Variants in DOCK4 observed in about 807,000 individuals in gnomAD.
DOCK4 encodes dedicator of cytokinesis protein 4.
A neutral mutation model predicts 268.1 loss-of-function variants in DOCK4; 97 were observed. The observed-to-expected ratio is 0.36, with a 90% CI of 0.31 to 0.43. The LOEUF is 0.43. Ranked by LOEUF, DOCK4 falls within the 20% of genes least tolerant of loss-of-function variation. The probability of loss-of-function intolerance (pLI) is 1.00; values close to 1 mark genes in which losing one functional copy is unlikely to be tolerated. For missense variants in DOCK4, 2,145 were observed against 2,455.7 expected (o/e 0.87, Z 2.67); for synonymous variants, 954 against 887.2 (o/e 1.08, Z -1.34).
At chr7:112,083,376 TAA>T (rs978805104) in intron 1 of DOCK4, among the ~76,000 whole-genome samples, 73 of 152,022 alleles carry the variant, frequency 4.8e-4, no homozygotes, top group African/African-American at 1.4e-3. Context: ...GTTATAGATA[TAA>T]GATTAGAATA....
intron 11 of DOCK4, among the ~76,000 whole-genome samples, chr7:111,939,473 C>T (rs1795025951): frequency 6.7e-6 from 1 of 149,968 alleles, no homozygotes; most frequent in Non-Finnish European, 1.5e-5. Flanking sequence ...TGAGATCACA[C>T]CACTGCACTC....
intron 32 of DOCK4, chr7:111,788,400 A>G: frequency 2.4e-6 from 1 of 424,912 alleles, no homozygotes; most frequent in South Asian, 4.6e-5. Flanking sequence ...ATCAGGCATG[A>G]AAAGAGGGAG....
intron 41 of DOCK4, among the ~76,000 whole-genome samples, chr7:111,758,264 A>T (rs190321600): frequency 6.6e-6 from 1 of 152,322 alleles, no homozygotes; most frequent in African/African-American, 2.4e-5. Context: ...ACATCCCAAG[A>T]TTCCCACAAT....
chr7:111,746,998 A>G (rs1363044504), intron 43 of DOCK4, among the ~76,000 whole-genome samples: 2 of 152,094 alleles, frequency 1.3e-5, no homozygotes, highest in Non-Finnish European at 2.9e-5. Flanking sequence ...TATTTATTAA[A>G]CAGTCCTAAT....
Position 111,736,918 on chromosome 7 carries a change from T to C in DOCK4, c.5304A>G (p.Lys1768=), listed in dbSNP as rs1387796400. The C allele has an allele frequency of 1.3e-6, 2 of 1,598,156 alleles. No homozygotes were observed. Among genetic ancestry groups the C allele is most frequent in the Non-Finnish European group, 1.7e-6 (2 of 1,171,820 alleles). The stretch of plus-strand genomic sequence containing the variant: ...GACTGACCATGGGGCTGGCCTTACC[T>C]TTTTCAGGTGCAGAGAGATTTGGGT... ...RSDPNLSAPE[K]AVNPTPSSWS... The change falls in exon 50 of 53, where the codon AAA becomes AAG. Residue 1768 remains lysine, a splice_region_variant and synonymous_variant. Coordinates refer to ENST00000428084, the MANE Select transcript of DOCK4 (RefSeq NM_001363540.2).
intron 38 of DOCK4, among the ~76,000 whole-genome samples, chr7:111,765,566 C>G (rs1313160215): frequency 1.3e-5 from 2 of 152,150 alleles, no homozygotes. Flanking sequence ...GTAGTCCTAT[C>G]AAGAAAAATA....
At chr7:112,070,239 A>G (rs965322566) in intron 1 of DOCK4, among the ~76,000 whole-genome samples, 1 of 152,172 alleles carries the variant, frequency 6.6e-6, no homozygotes, top group Non-Finnish European at 1.5e-5. Flanking sequence ...ACTATTTAGG[A>G]TGTGGACTTA....
intron 5 of DOCK4, among the ~76,000 whole-genome samples, chr7:111,993,790 G>T (rs1345130539): frequency 5.3e-5 from 8 of 151,512 alleles, no homozygotes; most frequent in Non-Finnish European, 1.0e-4. Flanking sequence ...TACAGAATTT[G>T]AATTTGATAA....
At chr7:111,933,134 A>G (rs1196158868) in intron 12 of DOCK4, among the ~76,000 whole-genome samples, 1 of 135,664 alleles carries the variant, frequency 7.4e-6, no homozygotes, top group Non-Finnish European at 1.6e-5. Flanking sequence ...ATATACGTAT[A>G]TACACATATA....
chr7:111,842,695 G>C (rs1803793990), intron 25 of DOCK4, among the ~76,000 whole-genome samples: 1 of 152,178 alleles, frequency 6.6e-6, no homozygotes. Flanking sequence ...CCCCACTGGG[G>C]TGGTGTCAAA....
At chr7:111,799,478 GA>G (rs1357214834) in intron 30 of DOCK4, among the ~76,000 whole-genome samples, 3 of 152,046 alleles carry the variant, frequency 2.0e-5, no homozygotes, top group Non-Finnish European at 2.9e-5. Flanking sequence ...AGCCAAGCTG[GA>G]AAGGGCCCTA....
intron 22 of DOCK4, 42 bp from the exon 23 acceptor site, chr7:111,863,606 C>A: frequency 6.6e-7 from 1 of 1,524,670 alleles, no homozygotes; most frequent in Non-Finnish European, 8.8e-7. Flanking sequence ...CCAGATACGC[C>A]ATGAGAAATA....
intron 30 of DOCK4, among the ~76,000 whole-genome samples, chr7:111,801,110 G>A (rs929914601): frequency 5.3e-5 from 8 of 152,176 alleles, no homozygotes; most frequent in African/African-American, 1.9e-4. Context: ...TACCACCTGT[G>A]CCAAGTGTCA....
At chr7:111,764,801 G>GC (rs1797668990) in intron 39 of DOCK4, among the ~76,000 whole-genome samples, 1 of 151,844 alleles carries the variant, frequency 6.6e-6, no homozygotes, top group African/African-American at 2.4e-5. Context: ...CTCCTGCAGT[G>GC]CCCCACCATT....
chr7:112,130,277 G>C (rs1020484732), intron 1 of DOCK4, among the ~76,000 whole-genome samples: 17 of 152,052 alleles, frequency 1.1e-4, no homozygotes, highest in African/African-American at 4.1e-4. Context: ...GAATGAAGTG[G>C]GTACCAGGTC....
chr7:111,917,278 G>A (rs763883648), intron 12 of DOCK4, among the ~76,000 whole-genome samples: 29 of 151,866 alleles, frequency 1.9e-4, no homozygotes, highest in South Asian at 8.3e-4. Flanking sequence ...GAGCCACCGC[G>A]CCTGGCCTCT....
intron 1 of DOCK4, among the ~76,000 whole-genome samples, chr7:112,169,098 C>T (rs541429940): frequency 3.9e-5 from 6 of 152,178 alleles, no homozygotes; most frequent in Admixed American, 2.0e-4. Flanking sequence ...GCTGTTCTCA[C>T]GATAGTGAGC....
At chr7:112,019,207 A>C (rs1433267595) in intron 1 of DOCK4, among the ~76,000 whole-genome samples, 3 of 152,242 alleles carry the variant, frequency 2.0e-5, no homozygotes, top group African/African-American at 7.2e-5. Flanking sequence ...ATTGAGGATG[A>C]GACATATTGT....
At chr7:111,744,874 G>A (rs1216804437) in intron 44 of DOCK4, among the ~76,000 whole-genome samples, 1 of 152,108 alleles carries the variant, frequency 6.6e-6, no homozygotes, top group Non-Finnish European at 1.5e-5. Context: ...AGGTTTTGTG[G>A]ACTAAGCCTA....
Sources: gnomAD v4.1 joint callset for allele counts (sites outside exome capture counted in the v4.1 genomes callset) on GRCh38, gnomAD v4.1.1 for gene constraint, MANE v1.5 for transcripts, NCBI Gene and HGNC (gene_info 2026-07-23, HGNC 2026-07-21) for gene names.